Variants in VPS13B observed in about 807,000 individuals in gnomAD.
The protein encoded by VPS13B is intermembrane lipid transfer protein VPS13B.
In VPS13B, 285 loss-of-function variants were observed where a neutral mutation model predicts 426.4. The ratio of observed to expected loss-of-function variants is 0.67; its 90% CI spans 0.61 to 0.74. The LOEUF (loss-of-function observed/expected upper bound fraction) is 0.74. VPS13B is among the 30% of genes least tolerant of loss of function. The probability of loss-of-function intolerance (pLI) is 0.00; values close to 1 mark genes in which losing one functional copy is unlikely to be tolerated. For missense variants in VPS13B, 4,537 were observed against 4,782.6 expected (o/e 0.95, Z 1.51); for synonymous variants, 1,676 against 1,676.4 (o/e 1.00, Z 0.01).
At chr8:99,806,688 T>C (rs1813420150) in intron 43 of VPS13B, among the ~76,000 whole-genome samples, 2 of 152,200 alleles carry the variant, frequency 1.3e-5, no homozygotes, top group Non-Finnish European at 2.9e-5. Context: ...AATGTCACAT[T>C]TTTTTGTGCC....
intron 19 of VPS13B, among the ~76,000 whole-genome samples, chr8:99,380,500 C>A (rs925919712): frequency 1.3e-5 from 2 of 151,826 alleles, no homozygotes; most frequent in Non-Finnish European, 2.9e-5. Context: ...CATATTGGTC[C>A]TTGGGAGGGC....
At chr8:99,414,490 G>C (rs866722422) in intron 21 of VPS13B, among the ~76,000 whole-genome samples, 3 of 152,028 alleles carry the variant, frequency 2.0e-5, no homozygotes, top group African/African-American at 4.8e-5. Flanking sequence ...TTGCCCATTA[G>C]TTGATGCAGT....
At chr8:99,097,099 C>A (rs905398784) in intron 4 of VPS13B, among the ~76,000 whole-genome samples, 2 of 152,154 alleles carry the variant, frequency 1.3e-5, no homozygotes, top group Non-Finnish European at 2.9e-5. Context: ...AGGGATATTA[C>A]TTATGACTTA....
intron 14 of VPS13B, among the ~76,000 whole-genome samples, chr8:99,154,628 A>C (rs1811256405): frequency 1.3e-5 from 2 of 152,210 alleles, no homozygotes; most frequent in African/African-American, 4.8e-5. Context: ...GACTATTTGC[A>C]TGGTGCTGTG....
At chr8:99,015,404 G>C (rs567113683) in intron 2 of VPS13B, among the ~76,000 whole-genome samples, 2 of 151,100 alleles carry the variant, frequency 1.3e-5, no homozygotes, top group African/African-American at 4.9e-5. Flanking sequence ...TTTTAGTAGA[G>C]ATGGGGTTTC....
chr8:99,325,861 C>T (rs1212005565), intron 19 of VPS13B, among the ~76,000 whole-genome samples: 1 of 152,116 alleles, frequency 6.6e-6, no homozygotes, highest in Non-Finnish European at 1.5e-5. Flanking sequence ...ATAATTAAAT[C>T]ATGCATTCCT....
chr8:99,713,875 C>T (rs1413755967), intron 36 of VPS13B, among the ~76,000 whole-genome samples: 1 of 152,206 alleles, frequency 6.6e-6, no homozygotes, highest in Non-Finnish European at 1.5e-5. Context: ...TGCAGTGGCT[C>T]ACGCCTGTAA....
chr8:99,506,584 A>C (rs1255379173), intron 27 of VPS13B, among the ~76,000 whole-genome samples: 1 of 152,336 alleles, frequency 6.6e-6, no homozygotes, highest in East Asian at 1.9e-4. Flanking sequence ...ATAGCCTGGC[A>C]TGGTGGCTCA....
intron 44 of VPS13B, among the ~76,000 whole-genome samples, chr8:99,812,945 A>G (rs989209052): frequency 6.6e-6 from 1 of 152,220 alleles, no homozygotes; most frequent in African/African-American, 2.4e-5. Context: ...GAGGGGAATT[A>G]GTGTGAAACC....
chr8:99,517,859 C>T (rs996702008), intron 29 of VPS13B, among the ~76,000 whole-genome samples: 3 of 150,316 alleles, frequency 2.0e-5, no homozygotes, highest in Admixed American at 6.6e-5. Flanking sequence ...TTTTTTTTTG[C>T]GGTGATAAAG....
At chr8:99,346,142 A>G (rs991447364) in intron 19 of VPS13B, 3 of 152,338 alleles carry the variant, frequency 2.0e-5, no homozygotes, top group Non-Finnish European at 4.4e-5. Flanking sequence ...TTCGTGGTTC[A>G]GGAGGATGGT....
intron 33 of VPS13B, among the ~76,000 whole-genome samples, chr8:99,633,276 G>A (rs1360455044): frequency 6.6e-6 from 1 of 151,972 alleles, no homozygotes; most frequent in African/African-American, 2.4e-5. Flanking sequence ...TACATTCACA[G>A]TTGCAAGGCA....
chr8:99,051,909 A>C (rs548054230), intron 3 of VPS13B, among the ~76,000 whole-genome samples: 4 of 152,218 alleles, frequency 2.6e-5, no homozygotes, highest in African/African-American at 9.7e-5. Flanking sequence ...GAAGTCGCCT[A>C]TCAGCTTAAG....
rs149018656 is a variant in VPS13B, at chr8:99,546,225, G to A, written c.4746-10225G>A. 6.3e-3 allele frequency among the ~76,000 whole-genome samples: 952 copies of A among 151,614 alleles called. 9 individuals are homozygous for A. The highest frequency in any genetic ancestry group is 0.022 in the African/African-American group (894 of 41,428). ...ATAATGTGACAACATTTTTTTAAAGGGAGTTGATTTGTTATATACCACATC... is the reference window on the plus strand; with the variant it reads ...ATAATGTGACAACATTTTTTTAAAGAGAGTTGATTTGTTATATACCACATC... On this transcript the variant is annotated intron_variant, in intron 30 of 61. Transcript: ENST00000357162.
Position 99,264,749 on chromosome 8 carries a change from A to G in VPS13B, c.2516-9449A>G, listed in dbSNP as rs538697821. Among the ~76,000 whole-genome samples, 9 of 152,256 alleles carry G rather than the reference A, an allele frequency of 5.9e-5. No homozygotes were observed. The East Asian group carries it at 1.3e-3, about 23-fold the overall frequency. On this transcript the variant is annotated intron_variant, in intron 17 of 61. Coordinates refer to ENST00000357162, the MANE Select transcript of VPS13B (RefSeq NM_152564.5). ...TTTTTCATTTGTTAATACTGGATACATAGTAAACACTTTTAATTTGCAACT... is the reference window on the plus strand; with the variant it reads ...TTTTTCATTTGTTAATACTGGATACGTAGTAAACACTTTTAATTTGCAACT...
At chr8:99,476,582 A>G (rs1285440939) in intron 24 of VPS13B, among the ~76,000 whole-genome samples, 1 of 152,156 alleles carries the variant, frequency 6.6e-6, no homozygotes, top group Non-Finnish European at 1.5e-5. Flanking sequence ...ACAAGAAAAT[A>G]CATGTATGAT....
At chr8:99,334,106 G>T (rs1231525830) in intron 19 of VPS13B, among the ~76,000 whole-genome samples, 3 of 151,778 alleles carry the variant, frequency 2.0e-5, no homozygotes, top group Non-Finnish European at 4.4e-5. Flanking sequence ...GTTACTATAA[G>T]GTAGTTGTAT....
At chr8:99,155,454 C>T (rs926873910) in intron 14 of VPS13B, among the ~76,000 whole-genome samples, 4 of 152,126 alleles carry the variant, frequency 2.6e-5, no homozygotes, top group African/African-American at 9.7e-5. Flanking sequence ...GGGACAGTCT[C>T]ATAGGGTGCT....
At chr8:99,285,272 T>G (rs1350014256) in intron 19 of VPS13B, among the ~76,000 whole-genome samples, 1 of 152,198 alleles carries the variant, frequency 6.6e-6, no homozygotes, top group Non-Finnish European at 1.5e-5. Flanking sequence ...ATTACTTTGC[T>G]TGCTTCCTTT....
Sources: gnomAD v4.1 joint callset for allele counts (sites outside exome capture counted in the v4.1 genomes callset) on GRCh38, gnomAD v4.1.1 for gene constraint, MANE v1.5 for transcripts, NCBI Gene and HGNC (gene_info 2026-07-23, HGNC 2026-07-21) for gene names.